The following ARHGAP23 variants were observed in gnomAD, a reference collection of about 807,000 sequenced individuals.
The protein encoded by ARHGAP23 is rho GTPase-activating protein 23.
Under a neutral mutation model 136.3 loss-of-function variants are expected in ARHGAP23, and 34 were observed. That is an observed-to-expected ratio of 0.25 (90% CI 0.19 to 0.33). The LOEUF is 0.33. Ranked by LOEUF, ARHGAP23 falls within the 10% of genes least tolerant of loss-of-function variation. The pLI, the probability that ARHGAP23 is intolerant of heterozygous loss-of-function variation, is 1.00. For synonymous variants in ARHGAP23, 832 were observed against 920.5 expected (o/e 0.90, Z 1.74); for missense variants, 1,808 against 2,139.0 (o/e 0.85, Z 3.05).
chr17:38,494,711 G>A (rs946941286), intron 20 of ARHGAP23, among the ~76,000 whole-genome samples: 1 of 152,218 alleles, frequency 6.6e-6, no homozygotes, highest in Non-Finnish European at 1.5e-5. Flanking sequence ...CCCGGCCCTG[G>A]GTGCAGGGCT....
upstream of ARHGAP23, among the ~76,000 whole-genome samples, chr17:38,428,093 C>T (rs1411065249): frequency 6.6e-6 from 1 of 152,158 alleles, no homozygotes; most frequent in Non-Finnish European, 1.5e-5. Context: ...CTTCCCTCTC[C>T]CTCCCTCCCT....
chr17:38,449,374 C>G (rs2039106687), intron 1 of ARHGAP23, among the ~76,000 whole-genome samples: 1 of 152,242 alleles, frequency 6.6e-6, no homozygotes, highest in Admixed American at 6.5e-5. Flanking sequence ...GCGGGGTGCC[C>G]AGGTTCCCGG....
At position 38,463,126 on chromosome 17, in the gene ARHGAP23, C is replaced by G. The variant is rs1286559882; in HGVS notation, c.358C>G (p.Leu120Val). 1.3e-6 allele frequency: 2 copies of G among 1,551,238 alleles called. No individual in the cohort carries two copies. The highest frequency in any genetic ancestry group is 1.7e-6 in the Non-Finnish European group (2 of 1,146,838). Reference sequence around the variant, plus strand: ...GCGCTCCTTGTCCCCAGGAGACCGGCTGGTAAAGGTGAATGGGGAAAGCGT... The same window carrying G: ...GCGCTCCTTGTCCCCAGGAGACCGGGTGGTAAAGGTGAATGGGGAAAGCGT... ...HRAGLRTGDR[L>V]VKVNGESVIG... Residue 120 changes from leucine to valine, a missense_variant, in exon 5 of 24, where the codon CTG (leucine) becomes GTG (valine). Leu to Val is a conservative substitution (Grantham distance 32, BLOSUM62 1). Around this residue, in one of 7 missense-constraint regions of ARHGAP23, gnomAD observed 859 missense variants for 936.4 expected, o/e 0.92. Transcript: ENST00000622683.
chr17:38,503,702 C>A (rs559522685), intron 23 of ARHGAP23, among the ~76,000 whole-genome samples: 1 of 152,354 alleles, frequency 6.6e-6, no homozygotes, highest in African/African-American at 2.4e-5. Flanking sequence ...GTTACCGCTT[C>A]CCAGTCTGGG....
chr17:38,456,890 G>C (rs1034716922), intron 1 of ARHGAP23, among the ~76,000 whole-genome samples: 1 of 151,912 alleles, frequency 6.6e-6, no homozygotes, highest in Non-Finnish European at 1.5e-5. Flanking sequence ...CTGACAGGAG[G>C]CTTTAGTGTC....
intron 10 of ARHGAP23, 54 bp downstream of exon 10, chr17:38,469,958 G>A: frequency 6.5e-7 from 1 of 1,541,242 alleles, no homozygotes. Flanking sequence ...GGGGAGAGAG[G>A]GTGTCAGGGA....
chr17:38,481,455 G>T (rs2040040990), intron 14 of ARHGAP23, among the ~76,000 whole-genome samples: 1 of 152,236 alleles, frequency 6.6e-6, no homozygotes, highest in South Asian at 2.1e-4. Context: ...CCCACGCCCG[G>T]CTAATTTTTG....
At chr17:38,469,056 A>C (rs1451538914) in intron 7 of ARHGAP23, 88 bp from the exon 8 acceptor site, 1 of 1,386,546 alleles carries the variant, frequency 7.2e-7, no homozygotes, top group Non-Finnish European at 9.7e-7. Flanking sequence ...CCTGGAGGCG[A>C]GTGGCACGGG....
chr17:38,431,790 G>T (rs1444755640), intron 1 of ARHGAP23, among the ~76,000 whole-genome samples: 1 of 152,178 alleles, frequency 6.6e-6, no homozygotes, highest in Non-Finnish European at 1.5e-5. Flanking sequence ...AGTGCCCAAG[G>T]TCCCTCAGCC....
intron 23 of ARHGAP23, among the ~76,000 whole-genome samples, chr17:38,501,412 C>T (rs1174447284): frequency 6.6e-6 from 1 of 152,166 alleles, no homozygotes; most frequent in Non-Finnish European, 1.5e-5. Flanking sequence ...CACCATTCTC[C>T]TGCCTCAGCC....
rs753044461 is a variant in ARHGAP23, at chr17:38,466,423, T to G, written c.740T>G (p.Met247Arg). 1 of 1,528,636 alleles carries G rather than the reference T, an allele frequency of 6.5e-7. No homozygotes were observed. Among genetic ancestry groups the G allele is most frequent in the Non-Finnish European group, 8.8e-7 (1 of 1,139,924 alleles). 94.7% of individuals were successfully genotyped at this position (1,528,636 alleles called of 1,614,324 possible). The change falls in exon 7 of 24, where the codon ATG (methionine) becomes AGG (arginine). Residue 247 changes from methionine to arginine, a missense_variant. Around this residue, in one of 7 missense-constraint regions of ARHGAP23, gnomAD observed 859 missense variants for 936.4 expected, o/e 0.92. Transcript: ENST00000622683. ...CACCTGGACAACTCTTCCTTGGGGA[T>G]GAGCCAGCCCCGCCCCAGCCCTGGT... is the stretch of plus-strand genomic sequence containing the variant. ...RAHLDNSSLG[M>R]SQPRPSPGAF...
intron 7 of ARHGAP23, among the ~76,000 whole-genome samples, chr17:38,467,918 A>G (rs2039652063): frequency 6.6e-6 from 1 of 152,092 alleles, no homozygotes; most frequent in Non-Finnish European, 1.5e-5. Context: ...TATTTGTGTC[A>G]GGCCCTGTGC....
At chr17:38,450,190 C>A (rs1441479936) in intron 1 of ARHGAP23, among the ~76,000 whole-genome samples, 1 of 152,184 alleles carries the variant, frequency 6.6e-6, no homozygotes, top group Non-Finnish European at 1.5e-5. Context: ...ACTTGGGGAT[C>A]CCTAAAGGTT....
intron 1 of ARHGAP23, among the ~76,000 whole-genome samples, chr17:38,421,390 A>G (rs1356434279): frequency 2.0e-5 from 3 of 151,984 alleles, no homozygotes; most frequent in African/African-American, 7.3e-5. Flanking sequence ...TGATCGGCAC[A>G]CTCTCCGAGG....
At chr17:38,456,487 G>A (rs2039328722) in intron 1 of ARHGAP23, among the ~76,000 whole-genome samples, 1 of 152,218 alleles carries the variant, frequency 6.6e-6, no homozygotes, top group Non-Finnish European at 1.5e-5. Context: ...CCTGTCAGCT[G>A]ATGCTTCCTG....
chr17:38,423,739 G>A (rs561447191), upstream of ARHGAP23, among the ~76,000 whole-genome samples: 1 of 151,956 alleles, frequency 6.6e-6, no homozygotes, highest in African/African-American at 2.4e-5. Context: ...TGTGGTGGGG[G>A]TGTTGCCTGT....
rs1328320420 is a variant in ARHGAP23 at position 38,469,572 on chromosome 17, C to T, written c.1853C>T (p.Thr618Met). Residue 618 changes from threonine to methionine, a missense_variant, in exon 9 of 24, where the codon ACG (threonine) becomes ATG (methionine). This residue lies in a region of ARHGAP23 where 859 missense variants were observed against 936.4 expected (regional missense o/e 0.92). Coordinates refer to ENST00000622683, the MANE Select transcript of ARHGAP23 (RefSeq NM_001199417.2). ...RRSSYLLAIT[T>M]ERSKSCDDGL... is the part of the protein sequence containing the mutation. Reference sequence around the variant, plus strand: ...TCCTCCTACCTGCTGGCCATCACCACGGAGCGCTCCAAGTCCTGCGATGAT... The same window carrying T: ...TCCTCCTACCTGCTGGCCATCACCATGGAGCGCTCCAAGTCCTGCGATGAT... The T allele has an allele frequency of 5.2e-6, 8 of 1,548,598 alleles. No individual in the cohort carries two copies. Among genetic ancestry groups the T allele is most frequent in the Admixed American group, 2.0e-5 (1 of 50,978 alleles).
At chr17:38,497,293 T>C (rs1383924659) in intron 20 of ARHGAP23, among the ~76,000 whole-genome samples, 2 of 152,238 alleles carry the variant, frequency 1.3e-5, no homozygotes, top group African/African-American at 4.8e-5. Flanking sequence ...CATTTCCTTT[T>C]CTGGGCTGAG....
chr17:38,447,723 G>T (rs1034716269), intron 1 of ARHGAP23, among the ~76,000 whole-genome samples: 3 of 152,222 alleles, frequency 2.0e-5, no homozygotes, highest in Non-Finnish European at 4.4e-5. Context: ...TCCCTTTGAG[G>T]AGTCTGCAGA....
Sources: allele counts gnomAD v4.1 joint callset (sites outside exome capture counted in the v4.1 genomes callset), GRCh38; gene constraint gnomAD v4.1.1; regional missense constraint gnomAD v4.1.1; transcripts MANE v1.5; gene names NCBI Gene and HGNC (gene_info 2026-07-23, HGNC 2026-07-21).